The following MRC1 variants were observed in gnomAD, a reference collection of about 807,000 sequenced individuals.
MRC1 encodes mannose receptor C-type 1.
MRC1 carries 62 observed loss-of-function variants against 102.9 expected under a neutral mutation model. The observed-to-expected ratio is 0.60, with a 90% CI of 0.49 to 0.74. The LOEUF is 0.74. MRC1 is among the 30% of genes least tolerant of loss of function. The pLI is 0.00. For synonymous variants in MRC1, 457 were observed against 298.4 expected (o/e 1.53, Z -5.48); for missense variants, 1,237 against 862.8 (o/e 1.43, Z -5.43).
intron 5 of MRC1, among the ~76,000 whole-genome samples, chr10:17,842,212 C>T (rs1011047045): frequency 2.9e-4 from 44 of 152,200 alleles, no homozygotes; most frequent in Non-Finnish European, 5.0e-4. Flanking sequence ...ATGTGGCCTG[C>T]CTCAACCTCC....
rs1399952219 is a variant in MRC1, at chr10:17,861,499, A to G, written c.1631A>G (p.Asp544Gly). The change falls in exon 10 of 30, where the codon GAC (aspartate) becomes GGC (glycine). Residue 544 changes from aspartate to glycine, a missense_variant. Asp to Gly is a moderately conservative substitution (Grantham distance 94). Transcript: ENST00000569591. ...NENAYLTTIE[D>G]RYEQAFLTSF... Reference sequence around the variant, plus strand: ...AATGCTTATTTAACAACTATTGAAGACAGGTATGTAACTATTTTAATTTCA... The same window carrying G: ...AATGCTTATTTAACAACTATTGAAGGCAGGTATGTAACTATTTTAATTTCA... 6.1e-5 allele frequency: 53 copies of G among 867,286 alleles called. No homozygotes were observed. The highest frequency in any genetic ancestry group is 9.6e-5 in the Non-Finnish European group (48 of 497,618). The allele number at this position is 867,286 out of a possible 1,614,324, so 53.7% of individuals were successfully genotyped here.
chr10:17,901,760 G>A (rs1026043276), intron 25 of MRC1, among the ~76,000 whole-genome samples: 7 of 151,906 alleles, frequency 4.6e-5, no homozygotes, highest in Non-Finnish European at 1.0e-4. Context: ...ACTGACTGCC[G>A]CTATACCATA....
chr10:17,841,804 G>C (rs914229657), intron 5 of MRC1, among the ~76,000 whole-genome samples: 2 of 150,756 alleles, frequency 1.3e-5, no homozygotes, highest in East Asian at 3.9e-4. Flanking sequence ...CGTGGGTGTG[G>C]GAAAGGAGAG....
chr10:17,887,799 T>TTTTTA (rs1357291780), intron 22 of MRC1, among the ~76,000 whole-genome samples: 1 of 152,158 alleles, frequency 6.6e-6, no homozygotes, highest in Admixed American at 6.5e-5. Context: ...CACATAATGC[T>TTTTTA]TTTTATTTTA....
intron 5 of MRC1, among the ~76,000 whole-genome samples, chr10:17,841,395 A>ACT (rs1838746934): frequency 6.6e-6 from 1 of 152,220 alleles, no homozygotes; most frequent in African/African-American, 2.4e-5. Context: ...GCTTAAAAAT[A>ACT]CTATCTCAGT....
intron 22 of MRC1, among the ~76,000 whole-genome samples, chr10:17,892,922 A>C (rs975663044): frequency 1.3e-5 from 2 of 151,480 alleles, no homozygotes; most frequent in Non-Finnish European, 2.9e-5. Context: ...AGGCAGAAGA[A>C]TTGCTTGAAC....
intron 24 of MRC1, among the ~76,000 whole-genome samples, chr10:17,899,928 G>A (rs1464048379): frequency 2.6e-5 from 4 of 151,534 alleles, no homozygotes; most frequent in East Asian, 1.9e-4. Context: ...GTGAAAACCC[G>A]TCTCTACTAA....
intron 1 of MRC1, among the ~76,000 whole-genome samples, chr10:17,815,116 C>G (rs1452896047): frequency 6.6e-6 from 1 of 152,142 alleles, no homozygotes; most frequent in Non-Finnish European, 1.5e-5. Context: ...AGGAACTCTT[C>G]TAAGCACTTT....
chr10:17,867,050 G>A (rs1258875658), intron 12 of MRC1, among the ~76,000 whole-genome samples: 3 of 151,236 alleles, frequency 2.0e-5, no homozygotes, highest in African/African-American at 7.3e-5. Context: ...TTTCTCCCAG[G>A]CCTTCTAGAT....
chr10:17,905,791 G>A (rs1833887034), intron 26 of MRC1, among the ~76,000 whole-genome samples: 1 of 152,122 alleles, frequency 6.6e-6, no homozygotes, highest in African/African-American at 2.4e-5. Flanking sequence ...GTCATACCAT[G>A]ATCTTCCCTC....
At chr10:17,849,470 G>T in intron 6 of MRC1, 109 bp from the exon 7 acceptor site, 1 of 653,456 alleles carries the variant, frequency 1.5e-6, no homozygotes, top group Non-Finnish European at 2.8e-6. Context: ...ACCTTTATTT[G>T]CCTAGTAACT....
At chr10:17,871,122 A>T (rs1417700820) in intron 14 of MRC1, among the ~76,000 whole-genome samples, 187 bp downstream of exon 14, 2 of 152,172 alleles carry the variant, frequency 1.3e-5, no homozygotes, top group Admixed American at 1.3e-4. Flanking sequence ...TTAGATCAAT[A>T]GAAATGGAAA....
chr10:17,861,899 A>C (rs1170688411), intron 10 of MRC1, among the ~76,000 whole-genome samples: 1 of 152,210 alleles, frequency 6.6e-6, no homozygotes, highest in Non-Finnish European at 1.5e-5. Flanking sequence ...TGAATAATTC[A>C]TTCATTCTTT....
rs1838737005 is a variant in MRC1 at position 17,840,715 on chromosome 10, A to C, written c.825A>C (p.Ser275=). Residue 275 remains serine (S), a synonymous_variant, in exon 5 of 30, where the codon TCA becomes TCC. Coordinates refer to ENST00000569591, the MANE Select transcript of MRC1 (RefSeq NM_002438.4). The part of the protein sequence containing the change: ...YLTGLTSSLT[S]GLWIGLNSLS... ...TAGGATTAACCAGTTCCTTGACCTC[A>C]GGACTCTGGATTGGACTTAACAGTC... 1.3e-6 allele frequency: 1 copy of C among 780,760 alleles called. No homozygotes were observed. Among genetic ancestry groups the C allele is most frequent in the African/African-American group, 1.7e-5 (1 of 59,150 alleles). 48.4% of individuals were successfully genotyped at this position (780,760 alleles called of 1,614,324 possible).
At chr10:17,837,547 T>A (rs934018284) in intron 4 of MRC1, among the ~76,000 whole-genome samples, 25 of 152,242 alleles carry the variant, frequency 1.6e-4, no homozygotes, top group African/African-American at 5.5e-4. Flanking sequence ...ACAAAATATT[T>A]ACACTTTTAA....
Position 17,861,520 on chromosome 10 carries a change from T to A in MRC1, c.1634+18T>A. On this transcript the variant is annotated intron_variant, in intron 10 of 29. Coordinates refer to ENST00000569591, the MANE Select transcript of MRC1 (RefSeq NM_002438.4). ...GAAGACAGGTATGTAACTATTTTAATTTCATTTTAAAATATGTCAAATAGA... is the reference window on the plus strand; with the variant it reads ...GAAGACAGGTATGTAACTATTTTAAATTCATTTTAAAATATGTCAAATAGA... 2.3e-6 allele frequency: 2 copies of A among 854,688 alleles called. No individual in the cohort carries two copies. Among genetic ancestry groups the A allele is most frequent in the South Asian group, 1.4e-5 (1 of 73,972 alleles). The allele number at this position is 854,688 out of a possible 1,614,324, so 52.9% of individuals were successfully genotyped here.
At chr10:17,860,209 C>T (rs1333157968) in intron 9 of MRC1, among the ~76,000 whole-genome samples, 2 of 151,932 alleles carry the variant, frequency 1.3e-5, no homozygotes, top group African/African-American at 2.4e-5. Flanking sequence ...GAGTTTTCCC[C>T]CTTCTTCTTC....
intron 3 of MRC1, among the ~76,000 whole-genome samples, chr10:17,828,164 CCT>C (rs1838511470): frequency 7.9e-5 from 12 of 152,312 alleles, no homozygotes; most frequent in African/African-American, 2.4e-4. Flanking sequence ...GCAAGCTCCG[CCT>C]CCCGAGTTCA....
chr10:17,902,785 G>C (rs1250456633), intron 26 of MRC1, among the ~76,000 whole-genome samples: 1 of 152,126 alleles, frequency 6.6e-6, no homozygotes, highest in Non-Finnish European at 1.5e-5. Context: ...AATTCTGAGT[G>C]AGATGAAGTT....
Sources: gnomAD v4.1 joint callset for allele counts (sites outside exome capture counted in the v4.1 genomes callset) on GRCh38, gnomAD v4.1.1 for gene constraint, MANE v1.5 for transcripts, NCBI Gene and HGNC (gene_info 2026-07-23, HGNC 2026-07-21) for gene names.